The following VWA7 variants were observed in gnomAD, a reference collection of about 807,000 sequenced individuals.
The protein encoded by VWA7 is von Willebrand factor A domain-containing protein 7.
In VWA7, 66 loss-of-function variants were observed where a neutral mutation model predicts 83.1. The ratio of observed to expected loss-of-function variants is 0.79; its 90% CI spans 0.65 to 0.98. The LOEUF (loss-of-function observed/expected upper bound fraction) is 0.98, where lower values mean the gene tolerates loss of function less well. Ranked by LOEUF, VWA7 falls within the 50% of genes least tolerant of loss-of-function variation. The pLI, the probability that VWA7 is intolerant of heterozygous loss-of-function variation, is 0.00. For synonymous variants in VWA7, 424 were observed against 488.5 expected (o/e 0.87, Z 1.74); for missense variants, 1,080 against 1,160.2 (o/e 0.93, Z 1.00).
chr6:31,767,321 C>A, intron 12 of VWA7, 41 bp downstream of exon 12: 1 of 1,613,058 alleles, frequency 6.2e-7, no homozygotes, highest in Non-Finnish European at 8.5e-7. Flanking sequence ...CTGAGGCCTG[C>A]AGTCTCTGCT....
chr6:31,769,934 C>A lies in VWA7; in HGVS notation c.1200+67G>T, dbSNP rs1812009031. ...TCTAGGTGCTGAAGGTGGTGGGGAG[C>A]CCCAGGAGGGATCTAGCTCCCCCTG... is the stretch of plus-strand genomic sequence containing the variant. On this transcript the variant is annotated intron_variant, in intron 8 of 16. Coordinates refer to ENST00000375688, the MANE Select transcript of VWA7 (RefSeq NM_025258.3). The surrounding 1 kb of genome is among the most constrained non-coding windows in gnomAD (Gnocchi z 4.5). The A allele has an allele frequency of 4.5e-6, 7 of 1,545,458 alleles. No individual in the cohort carries two copies. The highest frequency in any genetic ancestry group is 8.9e-7 in the Non-Finnish European group (1 of 1,121,472).
At position 31,770,058 on chromosome 6, in the gene VWA7, A is replaced by T; in HGVS notation, c.1143T>A (p.Asn381Lys). The change falls in exon 8 of 17, where the codon AAT (asparagine) becomes AAA (lysine). Residue 381 changes from asparagine (N) to lysine (K), a missense_variant. Physicochemically the swap from Asn to Lys is moderately conservative, Grantham distance 94. Transcript: ENST00000375688. ...CTCCACCCCCCAAGGCATGGATCTC[A>T]TTAAGCTGTTGCCAGAAGCTGTCAG... ...SDPDSFWQQL[N>K]EIHALGGGDE... 1 of 1,608,668 alleles carries T rather than the reference A, an allele frequency of 6.2e-7. No homozygotes were observed. Among genetic ancestry groups the T allele is most frequent in the Non-Finnish European group, 8.5e-7 (1 of 1,176,132 alleles).
Position 31,770,084 on chromosome 6 carries a change from G to C in VWA7, c.1117C>G (p.Pro373Ala). ...TTAAGCTGTTGCCAGAAGCTGTCAG[G>C]GTCACTGGTTGTAAAGACAGGGCCG... ...GFGPVFTTSDPDSFWQQLNEI... is the reference protein window; with the variant it reads ...GFGPVFTTSDADSFWQQLNEI... The change falls in exon 8 of 17, where the codon CCT becomes GCT. Residue 373 changes from proline to alanine, a missense_variant. By Grantham distance (27) the Pro-to-Ala change is conservative (BLOSUM62 -1). Coordinates refer to ENST00000375688, the MANE Select transcript of VWA7 (RefSeq NM_025258.3). 1 of 1,612,934 alleles carries C rather than the reference G, an allele frequency of 6.2e-7. No homozygotes were observed. Among genetic ancestry groups the C allele is most frequent in the Non-Finnish European group, 8.5e-7 (1 of 1,180,018 alleles).
chr6:31,767,422 G>A lies in VWA7; in HGVS notation c.1729C>T (p.Gln577Ter), dbSNP rs573900220. The A allele has an allele frequency of 1.2e-6, 2 of 1,613,098 alleles. No homozygotes were observed. The highest frequency in any genetic ancestry group is 1.1e-5 in the South Asian group (1 of 91,078). ...ACCTGGATCTCCCAGGTTCCTGTCT[G>A]TGGAGGGTCATCCATGGTCACCATC... The part of the protein sequence containing the change: ...FWMVTMDDPP[Q>*]TGTWEIQVTA... Residue 577 changes from glutamine (Q) to a stop codon, truncating the protein, a stop_gained, in exon 12 of 17, where the codon CAG becomes TAG. Coordinates refer to ENST00000375688, the MANE Select transcript of VWA7 (RefSeq NM_025258.3). LOFTEE classifies it high-confidence loss of function.
chr6:31,769,180 A>T lies in VWA7; in HGVS notation c.1341T>A (p.Asp447Glu). ...GAGCTCGACCCTGAACCCTTGATGT[A>T]TCTTCAGTCACCAGGAATGTTACCT... ...RCRVTFLVTE[D>E]TSRVQGRARR... The change falls in exon 10 of 17, where the codon GAT becomes GAA. Residue 447 changes from aspartate (D) to glutamate (E), a missense_variant. Asp to Glu is a conservative substitution (Grantham distance 45). Coordinates refer to ENST00000375688, the MANE Select transcript of VWA7 (RefSeq NM_025258.3). The surrounding 1 kb of genome is among the most constrained non-coding windows in gnomAD (Gnocchi z 4.5). 8.1e-6 allele frequency: 13 copies of T among 1,612,502 alleles called. No individual in the cohort carries two copies. The highest frequency in any genetic ancestry group is 1.1e-5 in the Non-Finnish European group (13 of 1,179,676).
Position 31,767,220 on chromosome 6 carries a change from A to T in VWA7, c.1820T>A (p.Phe607Tyr). Residue 607 changes from phenylalanine to tyrosine, a missense_variant, in exon 13 of 17, where the codon TTT (phenylalanine) becomes TAT (tyrosine). By Grantham distance (22) the Phe-to-Tyr change is conservative. Coordinates refer to ENST00000375688, the MANE Select transcript of VWA7 (RefSeq NM_025258.3). Reference sequence around the variant, plus strand: ...GGGTCCATCCTCCATGGGGATCCCAAAGTGGAAGAGGAAGTCCAGGGAGGT... The same window carrying T: ...GGGTCCATCCTCCATGGGGATCCCATAGTGGAAGAGGAAGTCCAGGGAGGT... ...AQTSLDFLFHFGIPMEDGPHP... is the reference protein window; with the variant it reads ...AQTSLDFLFHYGIPMEDGPHP... The T allele has an allele frequency of 6.2e-7, 1 of 1,605,968 alleles. No homozygotes were observed. Among genetic ancestry groups the T allele is most frequent in the Admixed American group, 1.7e-5 (1 of 58,008 alleles).
Position 31,776,673 on chromosome 6 carries a change from A to C in VWA7, c.107T>G (p.Leu36Arg), listed in dbSNP as rs901900598. The change falls in exon 2 of 17, where the codon CTG (leucine) becomes CGG (arginine). Residue 36 changes from leucine (L) to arginine (R), a missense_variant. Transcript: ENST00000375688. This position sits in a 1 kb window ranked among gnomAD's most constrained non-coding sequence, Gnocchi z 6.2. ...GGTGATGGAGCCAGGGGCAGCCAGCAGGCTCCAGATGTTGGGGAAGAAGGC... is the reference window on the plus strand; with the variant it reads ...GGTGATGGAGCCAGGGGCAGCCAGCCGGCTCCAGATGTTGGGGAAGAAGGC... ...TSAFFPNIWSLLAAPGSITHQ... is the reference protein window; with the variant it reads ...TSAFFPNIWSRLAAPGSITHQ... 2.6e-6 allele frequency: 4 copies of C among 1,539,704 alleles called. No homozygotes were observed. Among genetic ancestry groups the C allele is most frequent in the Non-Finnish European group, 3.5e-6 (4 of 1,140,946 alleles).
Position 31,769,589 on chromosome 6 carries a change from G to A in VWA7, c.1317+86C>T. 2.3e-6 allele frequency: 3 copies of A among 1,285,540 alleles called. No homozygotes were observed. The highest frequency in any genetic ancestry group is 3.4e-6 in the Non-Finnish European group (3 of 892,138). 79.6% of individuals were successfully genotyped at this position (1,285,540 alleles called of 1,614,324 possible). On this transcript the variant is annotated intron_variant, in intron 9 of 16. Transcript: ENST00000375688. The surrounding 1 kb of genome is among the most constrained non-coding windows in gnomAD (Gnocchi z 4.5). The stretch of plus-strand genomic sequence containing the variant: ...AGGCTTGTTGGGCCACCATAGTGTG[G>A]TGCAACCCTCGTTATGAGATTGTCA...
At position 31,776,868 on chromosome 6, in the gene VWA7, A is replaced by G; in HGVS notation, c.-15-74T>C. The G allele has an allele frequency of 1.2e-6, 1 of 851,580 alleles. No individual in the cohort carries two copies. The highest frequency in any genetic ancestry group is 3.5e-5 in the Admixed American group (1 of 28,902). The allele number at this position is 851,580 out of a possible 1,614,324, so 52.8% of individuals were successfully genotyped here. The stretch of plus-strand genomic sequence containing the variant: ...GGGCAGGCCGGCTCTGCGGGTCTCC[A>G]TGGGAACCTGCTTTACCTCAAAAGT... On this transcript the variant is annotated intron_variant, in intron 1 of 16. Coordinates refer to ENST00000375688, the MANE Select transcript of VWA7 (RefSeq NM_025258.3). This position sits in a 1 kb window ranked among gnomAD's most constrained non-coding sequence, Gnocchi z 6.2.
Position 31,766,508 on chromosome 6 carries a change from G to GCCGCCC in VWA7, c.2138_2139insGGGCGG (p.His713delinsGlnGlyGly), listed in dbSNP as rs1665380031. On this transcript the variant is annotated protein_altering_variant, in exon 14 of 17. Transcript: ENST00000375688. This position sits in a 1 kb window ranked among gnomAD's most constrained non-coding sequence, Gnocchi z 4.9. ...CAGTGCTAGGCTGAGGGGCAGCCCTGTGCAGGCGCCGCCCCGCTGCGTCCT... is the reference window on the plus strand; with the variant it reads ...CAGTGCTAGGCTGAGGGGCAGCCCTGCCGCCCTGCAGGCGCCGCCCCGCTGCGTCCT... 6.2e-7 allele frequency: 1 copy of GCCGCCC among 1,606,880 alleles called. No individual in the cohort carries two copies. The highest frequency in any genetic ancestry group is 8.5e-7 in the Non-Finnish European group (1 of 1,176,236).
rs1812684702 is a variant in VWA7, at chr6:31,776,295, T to C, written c.235-53A>G. Reference sequence around the variant, plus strand: ...CCAGGGAGGCCCTTTGGATTGACTGTTGCCCACCTTATCTCAGCAACTGAC... The same window carrying C: ...CCAGGGAGGCCCTTTGGATTGACTGCTGCCCACCTTATCTCAGCAACTGAC... On this transcript the variant is annotated intron_variant, in intron 2 of 16. Transcript: ENST00000375688. This position sits in a 1 kb window ranked among gnomAD's most constrained non-coding sequence, Gnocchi z 6.2. 1 of 1,572,622 alleles carries C rather than the reference T, an allele frequency of 6.4e-7. No homozygotes were observed. The highest frequency in any genetic ancestry group is 1.8e-5 in the Admixed American group (1 of 55,290).
intron 10 of VWA7, among the ~76,000 whole-genome samples, chr6:31,768,393 G>A (rs912330896): frequency 2.6e-5 from 4 of 151,728 alleles, no homozygotes; most frequent in African/African-American, 9.7e-5. Flanking sequence ...AGGATCACTT[G>A]AGGCCAGGGG....
chr6:31,776,405 G>A lies in VWA7; in HGVS notation c.234+141C>T. On this transcript the variant is annotated intron_variant, in intron 2 of 16. Coordinates refer to ENST00000375688, the MANE Select transcript of VWA7 (RefSeq NM_025258.3). This position sits in a 1 kb window ranked among gnomAD's most constrained non-coding sequence, Gnocchi z 6.2. Reference sequence around the variant, plus strand: ...CTAAGGAGGGGGACTCCTAATTTCAGGACCAAGACTACTGGGTATTATTGC... The same window carrying A: ...CTAAGGAGGGGGACTCCTAATTTCAAGACCAAGACTACTGGGTATTATTGC... 4.0e-6 allele frequency: 5 copies of A among 1,248,158 alleles called. No individual in the cohort carries two copies. Among genetic ancestry groups the A allele is most frequent in the Non-Finnish European group, 5.5e-6 (5 of 916,792 alleles). The allele number at this position is 1,248,158 out of a possible 1,614,324, so 77.3% of individuals were successfully genotyped here. A position where few individuals can be genotyped will look rare whatever the true frequency, so the allele number is the denominator to read the frequency against.
chr6:31,768,875 TA>T, intron 10 of VWA7, 142 bp downstream of exon 10: 1 of 933,252 alleles, frequency 1.1e-6, no homozygotes. Context: ...GTCATGGATC[TA>T]AGAGGAAGAG....
At position 31,774,515 on chromosome 6, in the gene VWA7, C is replaced by A; in HGVS notation, c.721+1G>T. The stretch of plus-strand genomic sequence containing the variant: ...TTCTGGGGAACTTTCTTGTCTGGTA[C>A]CTGGAGGTTTCGGGGGATGAGTTCC... On this transcript the variant is annotated splice_donor_variant, in intron 5 of 16. Transcript: ENST00000375688. LOFTEE classifies it high-confidence loss of function. 2 of 1,612,454 alleles carry A rather than the reference C, an allele frequency of 1.2e-6. No homozygotes were observed. The highest frequency in any genetic ancestry group is 1.7e-6 in the Non-Finnish European group (2 of 1,179,786).
intron 7 of VWA7, chr6:31,771,671 CA>C (rs1341973314): frequency 6.6e-6 from 1 of 152,140 alleles, no homozygotes; most frequent in Non-Finnish European, 1.5e-5. Context: ...ATCTTGATAC[CA>C]ATCTCTGTCT....
intron 10 of VWA7, among the ~76,000 whole-genome samples, 169 bp downstream of exon 10, chr6:31,768,849 A>G (rs1226978325): frequency 6.6e-6 from 1 of 152,158 alleles, no homozygotes; most frequent in African/African-American, 2.4e-5. Flanking sequence ...CTCAAAAAAA[A>G]AAAAAGAAGT....
rs1449344120 is a variant in VWA7, at chr6:31,773,469, G to A, written c.722-32C>T. The A allele has an allele frequency of 6.6e-7, 1 of 1,517,850 alleles. No individual in the cohort carries two copies. Among genetic ancestry groups the A allele is most frequent in the Non-Finnish European group, 8.8e-7 (1 of 1,131,998 alleles). 94.0% of individuals were successfully genotyped at this position (1,517,850 alleles called of 1,614,324 possible). ...TGGGGAAAGGGATCTGGAGAGTGGA[G>A]GTCAAAAACCCACTGCCTCCTAAGA... On this transcript the variant is annotated intron_variant, in intron 5 of 16. Transcript: ENST00000375688. The surrounding 1 kb of genome is among the most constrained non-coding windows in gnomAD (Gnocchi z 5.3).
rs1395182615 is a variant in VWA7, at chr6:31,773,472, C to T, written c.722-35G>A. On this transcript the variant is annotated intron_variant, in intron 5 of 16. Transcript: ENST00000375688. The surrounding 1 kb of genome is among the most constrained non-coding windows in gnomAD (Gnocchi z 5.3). ...GGAAAGGGATCTGGAGAGTGGAGGT[C>T]AAAAACCCACTGCCTCCTAAGAAAA... 1 of 1,509,614 alleles carries T rather than the reference C, an allele frequency of 6.6e-7. No individual in the cohort carries two copies. The highest frequency in any genetic ancestry group is 8.9e-7 in the Non-Finnish European group (1 of 1,127,310). The allele number at this position is 1,509,614 out of a possible 1,614,324, so 93.5% of individuals were successfully genotyped here.
Sources: allele counts gnomAD v4.1 joint callset (sites outside exome capture counted in the v4.1 genomes callset), GRCh38; gene constraint gnomAD v4.1.1; non-coding constraint Gnocchi (gnomAD v3.1); transcripts MANE v1.5; gene names NCBI Gene and HGNC (gene_info 2026-07-23, HGNC 2026-07-21).